Variants in TP53I11 observed in about 807,000 individuals in gnomAD.
TP53I11 encodes tumor protein p53-inducible protein 11.
In TP53I11, 9 loss-of-function variants were observed where a neutral mutation model predicts 23.3. The ratio of observed to expected loss-of-function variants is 0.39; its 90% CI spans 0.23 to 0.67. The LOEUF (loss-of-function observed/expected upper bound fraction) is 0.67. Ranked by LOEUF, TP53I11 falls within the 30% of genes least tolerant of loss-of-function variation. The pLI is 0.48. For synonymous variants in TP53I11, 100 were observed against 106.1 expected (o/e 0.94, Z 0.35); for missense variants, 170 against 255.2 (o/e 0.67, Z 2.27).
In TP53I11 at chr11:44,933,001, ACT is replaced by A; in HGVS notation, c.*1881_*1882del. ...GGGATTGAGGCTTCGGCCTGAGGGC[ACT>A]GCCCATTGGCGGCACCACCTGTGGG... On this transcript the variant is annotated 3_prime_UTR_variant, in exon 7 of 7. Coordinates refer to ENST00000525680, the MANE Select transcript of TP53I11 (RefSeq NM_006034.5). 2 of 152,378 alleles carry A rather than the reference ACT, an allele frequency of 1.3e-5. No homozygotes were observed. 9.4% of individuals were successfully genotyped at this position (152,378 alleles called of 1,614,324 possible). A position where few individuals can be genotyped will look rare whatever the true frequency, so the allele number is the denominator to read the frequency against.
chr11:44,935,954 ACTGAGCC>A, intron 5 of TP53I11: 1 of 491,530 alleles, frequency 2.0e-6, no homozygotes. Flanking sequence ...AAGGGGGAGG[ACTGAGCC>A]CCTGGCCCCT....
rs1861176389 is a variant in TP53I11 at position 44,936,803 on chromosome 11, T to C, written c.334A>G (p.Ser112Gly). 2 of 1,591,022 alleles carry C rather than the reference T, an allele frequency of 1.3e-6. No homozygotes were observed. Among genetic ancestry groups the C allele is most frequent in the South Asian group, 2.3e-5 (2 of 87,296 alleles). ...PIRLYGGALLSISLIMWNALY... is the reference protein window; with the variant it reads ...PIRLYGGALLGISLIMWNALY... ...CAGGGCCCGCCCCAGCAGTACTCAC[T>C]GAGGAGGGCACCGCCGTAGAGGCGG... Residue 112 changes from serine to glycine, a missense_variant and splice_region_variant, in exon 5 of 7, where the codon AGC becomes GGC. Physicochemically the swap from Ser to Gly is moderately conservative, Grantham distance 56. Transcript: ENST00000525680. The surrounding 1 kb of genome is among the most constrained non-coding windows in gnomAD (Gnocchi z 4.4).
In TP53I11 at chr11:44,935,576, C is replaced by T. The variant is rs1050064240; in HGVS notation, c.421G>A (p.Gly141Arg). 2.5e-6 allele frequency: 4 copies of T among 1,613,874 alleles called. No individual in the cohort carries two copies. Among genetic ancestry groups the T allele is most frequent in the Non-Finnish European group, 3.4e-6 (4 of 1,179,950 alleles). The stretch of plus-strand genomic sequence containing the variant: ...CAGGACTCACCCAAGAACTGGACCC[C>T]GAAATAGCAAGCTTCGGTGAGCAGG... ...WTLLTEACYF[G>R]VQFLVVTATL... Residue 141 changes from glycine to arginine, a missense_variant, in exon 6 of 7, where the codon GGG (glycine) becomes AGG (arginine). Transcript: ENST00000525680.
chr11:44,935,830 C>T lies in TP53I11; in HGVS notation c.335-168G>A, dbSNP rs1037741694. ...TTCTCAAATCAAAGCTGTCTGTCCC[C>T]GATCCTGTCCCCTCCAGACTCAATG... On this transcript the variant is annotated intron_variant, in intron 5 of 6. Transcript: ENST00000525680. 1.5e-4 allele frequency: 92 copies of T among 616,734 alleles called. 1 individual carries two copies. The highest frequency in any genetic ancestry group is 9.1e-4 in the East Asian group (33 of 36,444). The allele number at this position is 616,734 out of a possible 1,614,324, so 38.2% of individuals were successfully genotyped here. A position where few individuals can be genotyped will look rare whatever the true frequency, so the allele number is the denominator to read the frequency against.
rs1447840900 is a variant in TP53I11 at position 44,935,009 on chromosome 11, C to T, written c.445G>A (p.Ala149Thr). 2 of 1,613,590 alleles carry T rather than the reference C, an allele frequency of 1.2e-6. No individual in the cohort carries two copies. The highest frequency in any genetic ancestry group is 1.7e-6 in the Non-Finnish European group (2 of 1,179,978). The change falls in exon 7 of 7, where the codon GCC becomes ACC. Residue 149 changes from alanine (A) to threonine (T), a missense_variant. Physicochemically the swap from Ala to Thr is moderately conservative, Grantham distance 58 (BLOSUM62 0). Coordinates refer to ENST00000525680, the MANE Select transcript of TP53I11 (RefSeq NM_006034.5). The part of the protein sequence containing the change: ...YFGVQFLVVT[A>T]TLAETGLMSL... Reference sequence around the variant, plus strand: ...ATGAGGCCCGTCTCAGCTAGCGTGGCAGTGACCACTGTGGGAGAGAGTCCA... The same window carrying T: ...ATGAGGCCCGTCTCAGCTAGCGTGGTAGTGACCACTGTGGGAGAGAGTCCA...
In TP53I11 at chr11:44,934,695, C is replaced by G; in HGVS notation, c.*189G>C. 1 of 731,800 alleles carries G rather than the reference C, an allele frequency of 1.4e-6. No homozygotes were observed. The highest frequency in any genetic ancestry group is 1.9e-5 in the South Asian group (1 of 52,844). The allele number at this position is 731,800 out of a possible 1,614,324, so 45.3% of individuals were successfully genotyped here. ...TCTCTCCCCAGACCAGCATGTCAAG[C>G]CTGAAAGCCCAGGAGATCACAGCAC... On this transcript the variant is annotated 3_prime_UTR_variant, in exon 7 of 7. Transcript: ENST00000525680.
At chr11:44,939,695 G>T (rs377057984) in intron 1 of TP53I11, among the ~76,000 whole-genome samples, 1 of 151,630 alleles carries the variant, frequency 6.6e-6, no homozygotes, top group African/African-American at 2.4e-5. Flanking sequence ...GCTGTAGACC[G>T]GATCAACTAG....
chr11:44,937,402 C>T, intron 3 of TP53I11, 50 bp from the exon 4 acceptor site: 1 of 1,478,696 alleles, frequency 6.8e-7, no homozygotes, highest in South Asian at 1.4e-5. Context: ...GGACCCTCCC[C>T]TCTCCAGCCC....
chr11:44,934,130 G>C lies in TP53I11; in HGVS notation c.*754C>G, dbSNP rs1454030001. 6.6e-6 allele frequency: 1 copy of C among 152,532 alleles called. No homozygotes were observed. Among genetic ancestry groups the C allele is most frequent in the Non-Finnish European group, 1.5e-5 (1 of 68,288 alleles). The allele number at this position is 152,532 out of a possible 1,614,324, so 9.4% of individuals were successfully genotyped here. A position where few individuals can be genotyped will look rare whatever the true frequency, so the allele number is the denominator to read the frequency against. ...CTCATCTTGTCAGGCCAGGAGAGTG[G>C]GGACAGGACTTCTAGCTGGGAGAGG... is the stretch of plus-strand genomic sequence containing the variant. On this transcript the variant is annotated 3_prime_UTR_variant, in exon 7 of 7. Coordinates refer to ENST00000525680, the MANE Select transcript of TP53I11 (RefSeq NM_006034.5).
chr11:44,941,847 A>G (rs553389585), intron 1 of TP53I11, among the ~76,000 whole-genome samples: 77 of 152,232 alleles, frequency 5.1e-4, no homozygotes, highest in Non-Finnish European at 8.1e-4. Context: ...ACTGCCCACC[A>G]GGCCCAGGCT....
rs1298898666 is a variant in TP53I11, at chr11:44,932,602, C to G, written c.*2282G>C. On this transcript the variant is annotated 3_prime_UTR_variant, in exon 7 of 7. Coordinates refer to ENST00000525680, the MANE Select transcript of TP53I11 (RefSeq NM_006034.5). ...GACTTAAGGGCCCCTGTCCCTCACC[C>G]CTCTGCCACTGCCTCCTTCCCAACT... 6.6e-6 allele frequency: 1 copy of G among 152,442 alleles called. No homozygotes were observed. Among genetic ancestry groups the G allele is most frequent in the Non-Finnish European group, 1.5e-5 (1 of 68,136 alleles). The allele number at this position is 152,442 out of a possible 1,614,324, so 9.4% of individuals were successfully genotyped here. A position where few individuals can be genotyped will look rare whatever the true frequency, so the allele number is the denominator to read the frequency against.
At chr11:44,945,338 C>T (rs1422470501) in intron 1 of TP53I11, among the ~76,000 whole-genome samples, 4 of 152,190 alleles carry the variant, frequency 2.6e-5, no homozygotes, top group Non-Finnish European at 5.9e-5. Flanking sequence ...ATATTATCAC[C>T]CCCATCTTAC....
Position 44,935,054 on chromosome 11 carries a change from G to A in TP53I11, c.437-37C>T, listed in dbSNP as rs778811067. On this transcript the variant is annotated intron_variant, in intron 6 of 6. Coordinates refer to ENST00000525680, the MANE Select transcript of TP53I11 (RefSeq NM_006034.5). Reference sequence around the variant, plus strand: ...AGTCCAGCAAGGCCACAGGGTCAGAGGAGGGGATGTGTCCCAGCGCTGCCC... The same window carrying A: ...AGTCCAGCAAGGCCACAGGGTCAGAAGAGGGGATGTGTCCCAGCGCTGCCC... 1.7e-5 allele frequency: 28 copies of A among 1,611,030 alleles called. No homozygotes were observed. In the South Asian group the frequency reaches 3.0e-4, roughly 17 times the overall value.
intron 4 of TP53I11, 196 bp downstream of exon 4, chr11:44,937,108 C>A: frequency 1.3e-6 from 1 of 795,446 alleles, no homozygotes; most frequent in South Asian, 1.6e-5. Flanking sequence ...AGGCCACAAA[C>A]CATGGGATCT....
At chr11:44,945,614 G>C (rs770524091) in intron 1 of TP53I11, among the ~76,000 whole-genome samples, 87 of 152,230 alleles carry the variant, frequency 5.7e-4, no homozygotes, top group Middle Eastern at 6.8e-3. Flanking sequence ...AGCCTCCCTT[G>C]GGTTAAGGCC....
chr11:44,941,132 C>T (rs1477331041), intron 1 of TP53I11: 3 of 152,244 alleles, frequency 2.0e-5, no homozygotes, highest in African/African-American at 7.2e-5. Flanking sequence ...AACACCTGCA[C>T]ATTTGCCTGA....
intron 4 of TP53I11, 154 bp from the exon 5 acceptor site, chr11:44,937,053 C>G: frequency 1.4e-6 from 1 of 734,304 alleles, no homozygotes; most frequent in Non-Finnish European, 2.2e-6. Flanking sequence ...CCCACCCGCC[C>G]CCATGCCAGG....
chr11:44,938,474 C>T (rs1861414380), intron 1 of TP53I11, 108 bp from the exon 2 acceptor site: 2 of 1,312,332 alleles, frequency 1.5e-6, no homozygotes, highest in Non-Finnish European at 2.0e-6. Flanking sequence ...CCTGCTGAGG[C>T]CTCCCCACGA....
chr11:44,942,298 ACAC>A (rs1861930988), intron 1 of TP53I11, among the ~76,000 whole-genome samples: 2 of 143,926 alleles, frequency 1.4e-5, no homozygotes, highest in African/African-American at 5.2e-5. Context: ...CACATACCAC[ACAC>A]CACACCCACA....
Sources: gnomAD v4.1 joint callset for allele counts (sites outside exome capture counted in the v4.1 genomes callset) on GRCh38, gnomAD v4.1.1 for gene constraint, Gnocchi (gnomAD v3.1) non-coding constraint, MANE v1.5 for transcripts, NCBI Gene and HGNC (gene_info 2026-07-23, HGNC 2026-07-21) for gene names.